Variants in DPP6 observed in about 807,000 individuals in gnomAD.
The protein encoded by DPP6 is dipeptidyl peptidase like 6.
In DPP6, 69 loss-of-function variants were observed where a neutral mutation model predicts 122.6. The observed-to-expected ratio is 0.56, with a 90% confidence interval of 0.46 to 0.69. The LOEUF (loss-of-function observed/expected upper bound fraction) is 0.69, where lower values mean the gene tolerates loss of function less well. DPP6 is among the 30% of genes least tolerant of loss of function. The pLI, the probability that DPP6 is intolerant of heterozygous loss-of-function variation, is 0.00. For synonymous variants in DPP6, 418 were observed against 433.1 expected (o/e 0.97, Z 0.43); for missense variants, 928 against 1,116.9 (o/e 0.83, Z 2.41).
At chr7:153,773,264 C>CGCGTGTGTGTGTGTGTGT in the DPP6 span, among the ~76,000 whole-genome samples, 2 of 132,458 alleles carry the variant, frequency 1.5e-5, no homozygotes, top group African/African-American at 2.8e-5. Context: ...TCTTTTCTTT[C>CGCGTGTGTGTGTGTGTGT]GTGTGTGTGT....
intron 16 of DPP6, among the ~76,000 whole-genome samples, chr7:154,835,343 C>T (rs1800966234): frequency 6.6e-6 from 1 of 152,140 alleles, no homozygotes; most frequent in Non-Finnish European, 1.5e-5. Context: ...AGAGCTGCCG[C>T]CCTGCCCCCA....
At position 154,875,036 on chromosome 7, in the gene DPP6, C is replaced by G. The variant is rs75240372; in HGVS notation, c.1884-870C>G. Among the ~76,000 whole-genome samples, 25,832 of 151,768 alleles carry G rather than the reference C, an allele frequency of 0.17. 2,580 individuals are homozygous for G. The highest frequency in any genetic ancestry group is 0.54 in the East Asian group (2,772 of 5,144). Reference sequence around the variant, plus strand: ...GATTGCTTGAGCCCCAGAGGTCAAGCCTGCAGTGAACCAAGATTGTGCCAC... The same window carrying G: ...GATTGCTTGAGCCCCAGAGGTCAAGGCTGCAGTGAACCAAGATTGTGCCAC... On this transcript the variant is annotated intron_variant, in intron 19 of 25. Coordinates refer to ENST00000377770, the MANE Select transcript of DPP6 (RefSeq NM_130797.4). The surrounding 1 kb of genome is among the most constrained non-coding windows in gnomAD (Gnocchi z 4.5).
At chr7:154,575,095 G>A (rs1390610380) in intron 5 of DPP6, among the ~76,000 whole-genome samples, 7 of 117,882 alleles carry the variant, frequency 5.9e-5, no homozygotes, top group Non-Finnish European at 1.0e-4. Flanking sequence ...TGATGTGCGT[G>A]TGGTGTGTAT....
At chr7:154,753,646 G>A (rs1392949515) in intron 8 of DPP6, among the ~76,000 whole-genome samples, 1 of 152,160 alleles carries the variant, frequency 6.6e-6, no homozygotes, top group Non-Finnish European at 1.5e-5. Flanking sequence ...GTATCATGCA[G>A]TCCCCACAGC....
intron 1 of DPP6, among the ~76,000 whole-genome samples, chr7:154,148,141 C>G (rs1796210539): frequency 6.8e-6 from 1 of 146,462 alleles, no homozygotes; most frequent in Non-Finnish European, 1.5e-5. Flanking sequence ...GAGGCTGTGG[C>G]CCGCAAAGTC....
chr7:154,344,342 A>G (rs1174406030), intron 1 of DPP6, among the ~76,000 whole-genome samples: 1 of 152,200 alleles, frequency 6.6e-6, no homozygotes, highest in Non-Finnish European at 1.5e-5. Flanking sequence ...CATCAGAGAA[A>G]TGCAAATCAA....
intron 20 of DPP6, among the ~76,000 whole-genome samples, chr7:154,880,598 C>T (rs1038883432): frequency 1.3e-5 from 2 of 152,200 alleles, no homozygotes; most frequent in Admixed American, 6.5e-5. Context: ...CTGCGTCTCC[C>T]AGAAGGGGCT....
chr7:154,312,856 A>T lies in DPP6; in HGVS notation c.244-133358A>T, dbSNP rs140550016. On this transcript the variant is annotated intron_variant, in intron 1 of 25. Coordinates refer to ENST00000377770, the MANE Select transcript of DPP6 (RefSeq NM_130797.4). ...ATCAGAACCAAAAAATATTCAAAGC[A>T]TATTCCATGTTTTGTCTTTTGGAAA... is the stretch of plus-strand genomic sequence containing the variant. Among the ~76,000 whole-genome samples the T allele has an allele frequency of 2.7e-3, 404 of 152,336 alleles. 14 individuals carry two copies. The East Asian group carries it at 0.066, about 25-fold the overall frequency.
intron 1 of DPP6, among the ~76,000 whole-genome samples, chr7:154,013,910 G>A (rs1198530383): frequency 6.6e-6 from 1 of 151,120 alleles, no homozygotes; most frequent in Non-Finnish European, 1.5e-5. Context: ...TTGTGAGGGA[G>A]GAGTGACCAG....
At chr7:154,513,364 C>G (rs1004622083) in intron 3 of DPP6, among the ~76,000 whole-genome samples, 6 of 152,202 alleles carry the variant, frequency 3.9e-5, no homozygotes, top group African/African-American at 1.4e-4. Context: ...ACCAGAAAAG[C>G]TAATTGCCCC....
intron 3 of DPP6, among the ~76,000 whole-genome samples, chr7:154,511,004 TG>T (rs1826047512): frequency 1.3e-5 from 2 of 150,928 alleles, no homozygotes; most frequent in African/African-American, 4.9e-5. Context: ...AGATAGACCC[TG>T]GCGTGGAGGA....
chr7:154,622,195 A>T (rs1247541676), intron 5 of DPP6, among the ~76,000 whole-genome samples: 11 of 152,312 alleles, frequency 7.2e-5, no homozygotes, highest in African/African-American at 2.6e-4. Flanking sequence ...AGTTATTAAT[A>T]GCACCACTTT....
intron 21 of DPP6, among the ~76,000 whole-genome samples, chr7:154,881,845 G>A (rs1025642236): frequency 4.6e-5 from 7 of 152,194 alleles, no homozygotes; most frequent in Non-Finnish European, 8.8e-5. Flanking sequence ...TTCTCTCCTT[G>A]TTCAGAGCCC....
At chr7:154,342,420 C>T (rs1387065050) in intron 1 of DPP6, among the ~76,000 whole-genome samples, 1 of 152,342 alleles carries the variant, frequency 6.6e-6, no homozygotes, top group East Asian at 1.9e-4. Flanking sequence ...GTCCAGCCTA[C>T]CTTTTCTCAA....
At chr7:153,813,057 T>C in the DPP6 span, among the ~76,000 whole-genome samples, 3 of 151,928 alleles carry the variant, frequency 2.0e-5, no homozygotes, top group Non-Finnish European at 4.4e-5. Context: ...TTAGGGTACA[T>C]GTGCACAATG....
At chr7:153,947,486 G>T (rs1277572623) in intron 1 of DPP6, among the ~76,000 whole-genome samples, 1 of 151,956 alleles carries the variant, frequency 6.6e-6, no homozygotes, top group Non-Finnish European at 1.5e-5. Context: ...AAACTAGACT[G>T]GCAAAAAATA....
chr7:154,339,178 C>G (rs922217444), intron 1 of DPP6, among the ~76,000 whole-genome samples: 3 of 152,216 alleles, frequency 2.0e-5, no homozygotes, highest in African/African-American at 7.2e-5. Flanking sequence ...ATGAAACATT[C>G]TGCCACTTTT....
chr7:154,260,891 A>T (rs1393755900), intron 1 of DPP6, among the ~76,000 whole-genome samples: 1 of 151,160 alleles, frequency 6.6e-6, no homozygotes. Flanking sequence ...CTTTTGGTGT[A>T]TTTTGTTGTT....
intron 1 of DPP6, among the ~76,000 whole-genome samples, chr7:154,295,419 A>G (rs902979826): frequency 1.2e-4 from 19 of 152,310 alleles, no homozygotes; most frequent in African/African-American, 3.4e-4. Flanking sequence ...CAATTTTCAT[A>G]TCTGTAAATT....
Sources: allele counts gnomAD v4.1 joint callset (sites outside exome capture counted in the v4.1 genomes callset), GRCh38; gene constraint gnomAD v4.1.1; non-coding constraint Gnocchi (gnomAD v3.1); transcripts MANE v1.5; gene names NCBI Gene and HGNC (gene_info 2026-07-23, HGNC 2026-07-21).